The following ROS1 variants were observed in gnomAD, a reference collection of about 807,000 sequenced individuals.
ROS1 encodes the protein proto-oncogene tyrosine-protein kinase ROS.
ROS1 carries 263 observed loss-of-function variants against 273.5 expected under a neutral mutation model. The ratio of observed to expected loss-of-function variants is 0.96; its 90% CI spans 0.87 to 1.06. The LOEUF is 1.06. Ranked by LOEUF, ROS1 falls within the 50% of genes least tolerant of loss-of-function variation. The probability of loss-of-function intolerance (pLI) is 0.00; values close to 1 mark genes in which losing one functional copy is unlikely to be tolerated. For missense variants in ROS1, 2,833 were observed against 2,751.1 expected (o/e 1.03, Z -0.67); for synonymous variants, 1,008 against 954.1 (o/e 1.06, Z -1.04).
chr6:117,343,091 T>A (rs1032112437), intron 28 of ROS1, among the ~76,000 whole-genome samples: 1 of 152,018 alleles, frequency 6.6e-6, no homozygotes, highest in African/African-American at 2.4e-5. Flanking sequence ...GTTTTGTTTT[T>A]TTTTTTTAAA....
chr6:117,380,967 GC>G (rs1230151193), intron 17 of ROS1, among the ~76,000 whole-genome samples: 1 of 152,004 alleles, frequency 6.6e-6, no homozygotes, highest in Non-Finnish European at 1.5e-5. Flanking sequence ...TCGGCTGATT[GC>G]AAAATATATT....
At chr6:117,313,429 T>G (rs1316057731) in intron 39 of ROS1, among the ~76,000 whole-genome samples, 1 of 151,806 alleles carries the variant, frequency 6.6e-6, no homozygotes, top group Non-Finnish European at 1.5e-5. Context: ...AAAAATTAGC[T>G]GGGTATGGTG....
rs568719779 is a variant in ROS1 at position 117,311,823 on chromosome 6, C to T, written c.6118-706G>A. Among the ~76,000 whole-genome samples the T allele has an allele frequency of 3.9e-5, 6 of 152,176 alleles. No individual in the cohort carries two copies. In the East Asian group the frequency reaches 9.7e-4, roughly 25 times the overall value. ...AAGCCAGTTGAAGTTTTTATTAGTACCATACTGGGAAAATTCAAAGTTCCT... is the reference window on the plus strand; with the variant it reads ...AAGCCAGTTGAAGTTTTTATTAGTATCATACTGGGAAAATTCAAAGTTCCT... On this transcript the variant is annotated intron_variant, in intron 39 of 43. Coordinates refer to ENST00000368507, the MANE Select transcript of ROS1 (RefSeq NM_001378902.1).
At chr6:117,371,286 C>T (rs1366756025) in intron 18 of ROS1, among the ~76,000 whole-genome samples, 1 of 152,120 alleles carries the variant, frequency 6.6e-6, no homozygotes, top group Non-Finnish European at 1.5e-5. Flanking sequence ...GAGTGTCCAC[C>T]CCCGAACACA....
chr6:117,313,993 G>A (rs76445734), intron 39 of ROS1, among the ~76,000 whole-genome samples: 1 of 152,108 alleles, frequency 6.6e-6, no homozygotes, highest in African/African-American at 2.4e-5. Flanking sequence ...GTGCATGTGA[G>A]AACCAATCTT....
chr6:117,334,409 G>A (rs2128609030), intron 32 of ROS1, among the ~76,000 whole-genome samples: 1 of 152,250 alleles, frequency 6.6e-6, no homozygotes, highest in South Asian at 2.1e-4. Context: ...TCATGAAAAT[G>A]GCCATTCTGC....
intron 33 of ROS1, 89 bp from the exon 34 acceptor site, chr6:117,326,503 A>AAAG: frequency 2.5e-6 from 2 of 788,928 alleles, no homozygotes; most frequent in Non-Finnish European, 3.8e-6. Context: ...ACTGAACGCC[A>AAAG]GAGAGTGTCC....
intron 27 of ROS1, 46 bp downstream of exon 27, chr6:117,352,944 A>G: frequency 6.4e-7 from 1 of 1,562,040 alleles, no homozygotes; most frequent in Non-Finnish European, 8.8e-7. Context: ...GATTTTTCTG[A>G]CCCTAAATTG....
At chr6:117,345,193 A>G (rs1380295025) in intron 27 of ROS1, among the ~76,000 whole-genome samples, 4 of 152,178 alleles carry the variant, frequency 2.6e-5, no homozygotes, top group African/African-American at 9.7e-5. Flanking sequence ...ACAGTACACT[A>G]TCTACACACT....
chr6:117,310,755 A>G lies in ROS1; in HGVS notation c.6215+265T>C, dbSNP rs142127266. Among the ~76,000 whole-genome samples, 814 of 152,224 alleles carry G rather than the reference A, an allele frequency of 5.3e-3. 5 individuals are homozygous for G. Among genetic ancestry groups the G allele is most frequent in the African/African-American group, 0.018 (763 of 41,546 alleles). ...ATGGCTGCATAGTATTTCATGGTGTATATGTGCCACATTTTCTTTACCCAG... is the reference window on the plus strand; with the variant it reads ...ATGGCTGCATAGTATTTCATGGTGTGTATGTGCCACATTTTCTTTACCCAG... On this transcript the variant is annotated intron_variant, in intron 40 of 43. Coordinates refer to ENST00000368507, the MANE Select transcript of ROS1 (RefSeq NM_001378902.1).
chr6:117,357,074 G>A (rs185265959), intron 25 of ROS1, among the ~76,000 whole-genome samples, 159 bp from the exon 26 acceptor site: 52 of 152,286 alleles, frequency 3.4e-4, no homozygotes, highest in Non-Finnish European at 5.4e-4. Context: ...TTCTGAGATG[G>A]AAGAAGTCAC....
At chr6:117,305,038 C>G (rs1775001811) in intron 42 of ROS1, among the ~76,000 whole-genome samples, 2 of 152,134 alleles carry the variant, frequency 1.3e-5, no homozygotes, top group Admixed American at 1.3e-4. Context: ...GCCTGTGGAA[C>G]CATGAGCCAA....
chr6:117,341,330 A>T lies in ROS1; in HGVS notation c.4885-19T>A. On this transcript the variant is annotated intron_variant, in intron 30 of 43. Transcript: ENST00000368507. ...CAAGAACCTTTTGGTAAAAAAGAAC[A>T]ATTGCTTAACCTTTTGAGAGCCTTG... The T allele has an allele frequency of 6.2e-7, 1 of 1,612,470 alleles. No individual in the cohort carries two copies. Among genetic ancestry groups the T allele is most frequent in the Non-Finnish European group, 8.5e-7 (1 of 1,179,290 alleles).
At chr6:117,328,450 A>G (rs1776804944) in intron 33 of ROS1, 1 of 339,080 alleles carries the variant, frequency 2.9e-6, no homozygotes, top group Non-Finnish European at 5.6e-6. Context: ...TTCACTCTGC[A>G]TGAAAAGCAG....
rs752612391 is a variant in ROS1, at chr6:117,381,183, G to GTTT, written c.2482-2027_2482-2025dup. On this transcript the variant is annotated intron_variant, in intron 17 of 43. Transcript: ENST00000368507. The stretch of plus-strand genomic sequence containing the variant: ...CCTGGGAGAGGATTTGCAGAGGACT[G>GTTT]TTTTTTTTTTTTTTTGGTTAATTTC... Among the ~76,000 whole-genome samples the GTTT allele has an allele frequency of 6.5e-3, 774 of 118,522 alleles. 6 individuals are homozygous for GTTT. Among genetic ancestry groups the GTTT allele is most frequent in the African/African-American group, 0.022 (721 of 32,808 alleles). The allele number at this position is 118,522 out of a possible 152,430, so 77.8% of individuals were successfully genotyped here.
At position 117,396,898 on chromosome 6, in the gene ROS1, T is replaced by C; in HGVS notation, c.806+17A>G. 1 of 1,559,908 alleles carries C rather than the reference T, an allele frequency of 6.4e-7. No homozygotes were observed. Among genetic ancestry groups the C allele is most frequent in the Non-Finnish European group, 8.8e-7 (1 of 1,131,150 alleles). ...GCCATGCTGGTTACATTTTCCTCTGTATCACTTAATTCTTACCTGTAGATA... is the reference window on the plus strand; with the variant it reads ...GCCATGCTGGTTACATTTTCCTCTGCATCACTTAATTCTTACCTGTAGATA... On this transcript the variant is annotated intron_variant, in intron 8 of 43. Coordinates refer to ENST00000368507, the MANE Select transcript of ROS1 (RefSeq NM_001378902.1).
At chr6:117,397,753 G>A (rs541483351) in intron 7 of ROS1, among the ~76,000 whole-genome samples, 12 of 152,320 alleles carry the variant, frequency 7.9e-5, no homozygotes, top group East Asian at 5.8e-4. Context: ...ACAACTGAGC[G>A]TTCACACACA....
rs914316216 is a variant in ROS1 at position 117,425,849 on chromosome 6, A to T, written c.-193T>A. The T allele has an allele frequency of 3.5e-5, 19 of 537,258 alleles. No homozygotes were observed. The highest frequency in any genetic ancestry group is 2.3e-4 in the African/African-American group (12 of 51,144). The allele number at this position is 537,258 out of a possible 1,614,324, so 33.3% of individuals were successfully genotyped here. A position where few individuals can be genotyped will look rare whatever the true frequency, so the allele number is the denominator to read the frequency against. ...TTCATTTAGACCTTTGAATGCTTGAAAGCTTGTAACAGTTCCATAAGAGCT... is the reference window on the plus strand; with the variant it reads ...TTCATTTAGACCTTTGAATGCTTGATAGCTTGTAACAGTTCCATAAGAGCT... On this transcript the variant is annotated 5_prime_UTR_variant, in exon 1 of 44. Coordinates refer to ENST00000368507, the MANE Select transcript of ROS1 (RefSeq NM_001378902.1).
At chr6:117,357,588 CTT>C (rs576151565) in intron 25 of ROS1, among the ~76,000 whole-genome samples, 247 of 152,302 alleles carry the variant, frequency 1.6e-3, no homozygotes, top group Middle Eastern at 6.8e-3. Flanking sequence ...ATTAGCCTAA[CTT>C]TGTTAGTCAA....
Sources: allele counts gnomAD v4.1 joint callset (sites outside exome capture counted in the v4.1 genomes callset), GRCh38; gene constraint gnomAD v4.1.1; transcripts MANE v1.5; gene names NCBI Gene and HGNC (gene_info 2026-07-23, HGNC 2026-07-21).